Variants in RGS8 observed in about 807,000 individuals in gnomAD.
The protein encoded by RGS8 is regulator of G-protein signaling 8.
RGS8 carries 8 observed loss-of-function variants against 21.7 expected under a neutral mutation model. That is an observed-to-expected ratio of 0.37 (90% CI 0.22 to 0.66). RGS8 has a LOEUF of 0.66. Among genes scored for constraint, RGS8 ranks in the 30% least tolerant of loss-of-function variants. The pLI is 0.59. For missense variants in RGS8, 157 were observed against 217.9 expected (o/e 0.72, Z 1.76); for synonymous variants, 80 against 83.6 (o/e 0.96, Z 0.24).
chr1:182,649,905 C>CTTTTTTTT lies in RGS8; in HGVS notation c.194-1610_194-1603dup, dbSNP rs920729497. Among the ~76,000 whole-genome samples, 3 of 128,528 alleles carry CTTTTTTTT rather than the reference C, an allele frequency of 2.3e-5. 1 individual carries two copies. The highest frequency in any genetic ancestry group is 5.8e-5 in the African/African-American group (2 of 34,392). The allele number at this position is 128,528 out of a possible 152,430, so 84.3% of individuals were successfully genotyped here. A position where few individuals can be genotyped will look rare whatever the true frequency, so the allele number is the denominator to read the frequency against. The stretch of plus-strand genomic sequence containing the variant: ...CCAGAAGAACAAAATGTTAACAACT[C>CTTTTTTTT]TTTTTTTTTTTTTTTTTGGGTGGGG... On this transcript the variant is annotated intron_variant, in intron 5 of 6. Coordinates refer to ENST00000483095, the Ensembl canonical transcript of RGS8.
chr1:182,697,201 A>G, the RGS8 span, among the ~76,000 whole-genome samples: 1 of 152,242 alleles, frequency 6.6e-6, no homozygotes, highest in African/African-American at 2.4e-5. Flanking sequence ...AGGCATGGAT[A>G]TGGGCAGAGG....
At chr1:182,703,851 A>G in the RGS8 span, among the ~76,000 whole-genome samples, 3 of 152,242 alleles carry the variant, frequency 2.0e-5, no homozygotes, top group Non-Finnish European at 2.9e-5. Context: ...AACTGATTAG[A>G]GATAAAAATT....
At chr1:182,708,047 A>T in the RGS8 span, among the ~76,000 whole-genome samples, 1 of 152,170 alleles carries the variant, frequency 6.6e-6, no homozygotes, top group Non-Finnish European at 1.5e-5. Context: ...TCCACGAGAT[A>T]AGTCTGTCAT....
At chr1:182,674,147 C>T (rs1664281319), upstream of RGS8, among the ~76,000 whole-genome samples, 1 of 152,168 alleles carries the variant, frequency 6.6e-6, no homozygotes, top group Non-Finnish European at 1.5e-5. Flanking sequence ...AGCACTAAAA[C>T]AGCGGAACAA....
At chr1:182,718,775 A>T in the RGS8 span, among the ~76,000 whole-genome samples, 1 of 152,184 alleles carries the variant, frequency 6.6e-6, no homozygotes, top group African/African-American at 2.4e-5. Context: ...TTGCTGTGAT[A>T]TGGCGTGCTT....
intron 5 of RGS8, among the ~76,000 whole-genome samples, chr1:182,648,870 G>A (rs1662843161): frequency 6.6e-6 from 1 of 152,210 alleles, no homozygotes; most frequent in Admixed American, 6.5e-5. Context: ...GGAGGCAGAG[G>A]CAGGTGGATC....
At chr1:182,741,788 G>C in the RGS8 span, among the ~76,000 whole-genome samples, 5 of 106,598 alleles carry the variant, frequency 4.7e-5, no homozygotes, top group African/African-American at 1.3e-4. Flanking sequence ...CGGGGCGGCT[G>C]GCCGCGCAGA....
chr1:182,659,911 G>T (rs189341453), intron 5 of RGS8, among the ~76,000 whole-genome samples: 1 of 152,026 alleles, frequency 6.6e-6, no homozygotes, highest in Non-Finnish European at 1.5e-5. Flanking sequence ...AGGTTTGAAG[G>T]GGGCCTGCCA....
intron 1 of RGS8, among the ~76,000 whole-genome samples, chr1:182,681,707 G>C (rs1439788707): frequency 1.3e-5 from 2 of 152,220 alleles, no homozygotes; most frequent in Non-Finnish European, 2.9e-5. Flanking sequence ...GGCATGTGCT[G>C]GTGCACGTTA....
chr1:182,751,973 G>C, the RGS8 span, among the ~76,000 whole-genome samples: 1 of 152,238 alleles, frequency 6.6e-6, no homozygotes, highest in East Asian at 1.9e-4. Context: ...GTTCCTCACA[G>C]GCGCCGCGGT....
chr1:182,721,131 T>G, the RGS8 span, among the ~76,000 whole-genome samples: 1 of 148,680 alleles, frequency 6.7e-6, no homozygotes, highest in East Asian at 2.0e-4. Context: ...TTAATCTCCC[T>G]GATTTAGTCT....
At chr1:182,706,146 C>T in the RGS8 span, among the ~76,000 whole-genome samples, 1 of 152,086 alleles carries the variant, frequency 6.6e-6, no homozygotes, top group South Asian at 2.1e-4. Flanking sequence ...CTACGCCCAG[C>T]TCATTTTTGT....
the RGS8 span, among the ~76,000 whole-genome samples, chr1:182,713,996 G>A: frequency 2.6e-5 from 4 of 152,130 alleles, no homozygotes; most frequent in African/African-American, 4.8e-5. Flanking sequence ...TCCTCTTCGT[G>A]TGCATATTTA....
At chr1:182,721,999 T>C in the RGS8 span, among the ~76,000 whole-genome samples, 2 of 152,196 alleles carry the variant, frequency 1.3e-5, no homozygotes. Context: ...ATGATGGAGA[T>C]CGGCAAAATC....
chr1:182,644,734 T>A (rs567934413), downstream of RGS8: 3 of 152,376 alleles, frequency 2.0e-5, no homozygotes, highest in Non-Finnish European at 4.4e-5. Context: ...ACATTTCATA[T>A]GTAAACAATG....
downstream of RGS8, chr1:182,643,085 C>T (rs1004054852): frequency 5.3e-5 from 8 of 152,272 alleles, no homozygotes; most frequent in Non-Finnish European, 7.3e-5. Flanking sequence ...CATGGCAGAG[C>T]GTCTTTCGAT....
chr1:182,697,947 T>C, the RGS8 span, among the ~76,000 whole-genome samples: 1 of 151,978 alleles, frequency 6.6e-6, no homozygotes, highest in Non-Finnish European at 1.5e-5. Context: ...TGAGAACCGG[T>C]AGGGTTTCCA....
the RGS8 span, among the ~76,000 whole-genome samples, chr1:182,724,055 G>C: frequency 6.6e-6 from 1 of 151,202 alleles, no homozygotes; most frequent in Non-Finnish European, 1.5e-5. Flanking sequence ...GTCTGTGAGG[G>C]TGTCGGCAAA....
the RGS8 span, among the ~76,000 whole-genome samples, chr1:182,742,771 CAGGGAG>C: frequency 1.8e-4 from 28 of 151,638 alleles, no homozygotes; most frequent in Non-Finnish European, 3.1e-4. Flanking sequence ...GGGACAGGGA[CAGGGAG>C]AGGGAGAGGG....
Sources: gnomAD v4.1 joint callset for allele counts (sites outside exome capture counted in the v4.1 genomes callset) on GRCh38, gnomAD v4.1.1 for gene constraint, MANE v1.5 for transcripts, NCBI Gene and HGNC (gene_info 2026-07-23, HGNC 2026-07-21) for gene names.